The following AP3S1 variants were observed in gnomAD, a reference collection of about 807,000 sequenced individuals.
AP3S1 encodes adaptor related protein complex 3 subunit sigma 1.
A neutral mutation model predicts 21.3 loss-of-function variants in AP3S1; 12 were observed. The ratio of observed to expected loss-of-function variants is 0.56; its 90% confidence interval spans 0.36 to 0.91. The LOEUF (loss-of-function observed/expected upper bound fraction) is 0.91. AP3S1 is among the 40% of genes least tolerant of loss of function. AP3S1 has a pLI of 0.01. For synonymous variants in AP3S1, 48 were observed against 78.4 expected (o/e 0.61, Z 2.05); for missense variants, 116 against 225.0 (o/e 0.52, Z 3.10).
intron 1 of AP3S1, among the ~76,000 whole-genome samples, chr5:115,845,400 G>A (rs527262665): frequency 1.4e-3 from 217 of 152,142 alleles, no homozygotes; most frequent in Non-Finnish European, 2.5e-3. Flanking sequence ...CCCTTTAACA[G>A]TGCACATTTC....
chr5:115,880,630 A>T (rs1052454255), intron 3 of AP3S1, among the ~76,000 whole-genome samples: 16 of 152,130 alleles, frequency 1.1e-4, no homozygotes, highest in Non-Finnish European at 2.4e-4. Context: ...TTATGTGGTC[A>T]ATTTTAGAAT....
At chr5:115,867,077 T>C (rs1157326212) in intron 2 of AP3S1, among the ~76,000 whole-genome samples, 1 of 152,136 alleles carries the variant, frequency 6.6e-6, no homozygotes, top group Non-Finnish European at 1.5e-5. Context: ...CAATTTCTTG[T>C]GTATCCTTCT....
chr5:115,842,186 G>A lies in AP3S1; in HGVS notation c.69+80G>A, dbSNP rs1441996290. On this transcript the variant is annotated intron_variant, in intron 1 of 5. Coordinates refer to ENST00000316788, the MANE Select transcript of AP3S1 (RefSeq NM_001284.4). ...GCGCCCAGCGCGGCTTTCTCAGAGCGACCCCCTCCGGCGCGCTGCGGCCCT... is the reference window on the plus strand; with the variant it reads ...GCGCCCAGCGCGGCTTTCTCAGAGCAACCCCCTCCGGCGCGCTGCGGCCCT... 7.4e-6 allele frequency: 11 copies of A among 1,486,070 alleles called. No homozygotes were observed. The East Asian group carries it at 2.6e-4, about 35-fold the overall frequency. 92.1% of individuals were successfully genotyped at this position (1,486,070 alleles called of 1,614,324 possible).
intron 3 of AP3S1, among the ~76,000 whole-genome samples, chr5:115,881,587 G>T (rs1480941757): frequency 2.6e-5 from 4 of 152,150 alleles, no homozygotes; most frequent in Admixed American, 6.5e-5. Flanking sequence ...AGTCTGATGG[G>T]CTTCCCTTTG....
chr5:115,863,338 A>G (rs1372669695), intron 1 of AP3S1, among the ~76,000 whole-genome samples: 2 of 151,920 alleles, frequency 1.3e-5, no homozygotes, highest in South Asian at 2.1e-4. Flanking sequence ...CGGAGGTTGC[A>G]GTGAGCGAGA....
chr5:115,903,522 T>A (rs1165107046), intron 5 of AP3S1: 1 of 152,782 alleles, frequency 6.5e-6, no homozygotes, highest in Non-Finnish European at 1.5e-5. Flanking sequence ...ATTCTAAATC[T>A]TTCCCTAAGA....
chr5:115,859,853 C>T (rs533087514), intron 1 of AP3S1, among the ~76,000 whole-genome samples: 74 of 152,350 alleles, frequency 4.9e-4, no homozygotes, highest in African/African-American at 1.7e-3. Flanking sequence ...ACTGATTAGA[C>T]AGGATCTGGT....
intron 3 of AP3S1, among the ~76,000 whole-genome samples, chr5:115,878,315 A>C (rs1748917027): frequency 1.3e-5 from 2 of 152,266 alleles, no homozygotes; most frequent in South Asian, 2.1e-4. Context: ...GTTTTCTTCT[A>C]GGGTTTTTAT....
At chr5:115,843,322 C>T (rs554975655) in intron 1 of AP3S1, among the ~76,000 whole-genome samples, 1 of 152,296 alleles carries the variant, frequency 6.6e-6, no homozygotes, top group East Asian at 1.9e-4. Context: ...TGTCAGTTTG[C>T]CTAAAATGAT....
chr5:115,904,677 T>C (rs1211303495), intron 5 of AP3S1, among the ~76,000 whole-genome samples: 1 of 152,202 alleles, frequency 6.6e-6, no homozygotes, highest in Non-Finnish European at 1.5e-5. Flanking sequence ...GGAAAAAGAC[T>C]CATAATTTAA....
chr5:115,908,960 T>G (rs1177935135), intron 5 of AP3S1: 2 of 982,314 alleles, frequency 2.0e-6, no homozygotes, highest in East Asian at 2.3e-4. Flanking sequence ...AATGTTGGTG[T>G]TCTTTCACTT....
intron 5 of AP3S1, among the ~76,000 whole-genome samples, chr5:115,904,387 C>G (rs547542850): frequency 8.5e-5 from 13 of 152,146 alleles, no homozygotes; most frequent in Non-Finnish European, 7.4e-5. Context: ...TTGAAGAAAA[C>G]ACAGGGTGAA....
chr5:115,868,174 C>A (rs893264441), intron 2 of AP3S1, among the ~76,000 whole-genome samples: 3 of 152,108 alleles, frequency 2.0e-5, no homozygotes. Flanking sequence ...TTTTTAAAGG[C>A]AAAATATGTA....
At chr5:115,854,798 A>G (rs538840605) in intron 1 of AP3S1, among the ~76,000 whole-genome samples, 5 of 151,290 alleles carry the variant, frequency 3.3e-5, no homozygotes, top group Non-Finnish European at 7.4e-5. Flanking sequence ...CCCATTCTCT[A>G]TATTTTTGAA....
intron 4 of AP3S1, 62 bp from the exon 5 acceptor site, chr5:115,902,823 A>T (rs1751325194): frequency 8.2e-7 from 1 of 1,218,076 alleles, no homozygotes; most frequent in African/African-American, 1.6e-5. Context: ...ACAAAAAGTG[A>T]ATCATGAAAC....
chr5:115,846,909 A>G (rs77969777), intron 1 of AP3S1, among the ~76,000 whole-genome samples: 2,969 of 152,340 alleles, frequency 0.019, 28 homozygotes, highest in Middle Eastern at 0.024. Flanking sequence ...GCTTGGAAAG[A>G]ACTATGTTAG....
intron 1 of AP3S1, among the ~76,000 whole-genome samples, chr5:115,848,472 C>A (rs943301691): frequency 2.0e-5 from 3 of 152,166 alleles, no homozygotes; most frequent in Non-Finnish European, 2.9e-5. Flanking sequence ...ATGGTAATAG[C>A]ACATTAATAA....
At chr5:115,857,187 A>G (rs1288615372) in intron 1 of AP3S1, among the ~76,000 whole-genome samples, 1 of 152,216 alleles carries the variant, frequency 6.6e-6, no homozygotes. Context: ...CTTAAAAGAA[A>G]ACTTCCTATG....
At chr5:115,865,263 T>C (rs1763522712) in intron 1 of AP3S1, among the ~76,000 whole-genome samples, 2 of 152,298 alleles carry the variant, frequency 1.3e-5, no homozygotes, top group Admixed American at 6.5e-5. Flanking sequence ...TTTTCTCTTA[T>C]GATTTTCTTA....
Sources: allele counts gnomAD v4.1 joint callset (sites outside exome capture counted in the v4.1 genomes callset), GRCh38; gene constraint gnomAD v4.1.1; transcripts MANE v1.5; gene names NCBI Gene and HGNC (gene_info 2026-07-23, HGNC 2026-07-21).